CLASP2: variants seen among roughly 807,000 people sequenced by gnomAD.
CLASP2 encodes the protein cytoplasmic linker associated protein 2, also known as CLIP-associating protein 2.
In CLASP2, 47 loss-of-function variants were observed where a neutral mutation model predicts 194.4. That is an observed-to-expected ratio of 0.24 (90% CI 0.19 to 0.31). The LOEUF (loss-of-function observed/expected upper bound fraction) is 0.31, where lower values mean the gene tolerates loss of function less well. Among genes scored for constraint, CLASP2 ranks in the 10% least tolerant of loss-of-function variants. The probability of loss-of-function intolerance (pLI) is 1.00; values close to 1 mark genes in which losing one functional copy is unlikely to be tolerated. For synonymous variants in CLASP2, 619 were observed against 633.5 expected (o/e 0.98, Z 0.34); for missense variants, 1,445 against 1,823.6 (o/e 0.79, Z 3.78).
At chr3:33,717,679 CTTCCCAAAGTGTGT>C (rs1207938633) in intron 1 of CLASP2, 115 bp downstream of exon 1, 17 of 996,342 alleles carry the variant, frequency 1.7e-5, no homozygotes, top group Admixed American at 4.8e-5. Flanking sequence ...CCCGCCTGTG[CTTCCCAAAGTGTGT>C]TTCCCCTCTT....
intron 1 of CLASP2, among the ~76,000 whole-genome samples, chr3:33,705,792 C>A (rs1399192284): frequency 6.6e-6 from 1 of 152,138 alleles, no homozygotes; most frequent in Non-Finnish European, 1.5e-5. Context: ...GGTGTATCCA[C>A]ACTACAGGAT....
At chr3:33,688,807 A>G (rs2091015964) in intron 3 of CLASP2, among the ~76,000 whole-genome samples, 1 of 152,118 alleles carries the variant, frequency 6.6e-6, no homozygotes, top group Non-Finnish European at 1.5e-5. Context: ...GACATTTTAT[A>G]ATTCAGACTT....
chr3:33,682,045 T>A (rs1302337611), intron 6 of CLASP2, among the ~76,000 whole-genome samples: 2 of 145,188 alleles, frequency 1.4e-5, no homozygotes. Flanking sequence ...TGAGAGGCCC[T>A]CACCAGAAGC....
At chr3:33,556,924 A>G (rs2061044322) in intron 29 of CLASP2, among the ~76,000 whole-genome samples, 1 of 151,966 alleles carries the variant, frequency 6.6e-6, no homozygotes, top group African/African-American at 2.4e-5. Context: ...CTTTCTCTTC[A>G]AGTCTCCTGC....
At chr3:33,647,714 A>G (rs985551073) in intron 7 of CLASP2, among the ~76,000 whole-genome samples, 2 of 152,210 alleles carry the variant, frequency 1.3e-5, no homozygotes, top group African/African-American at 4.8e-5. Flanking sequence ...CAGTTTGCCA[A>G]TCTCTGCTCT....
In CLASP2 at chr3:33,608,630, A is replaced by G; in HGVS notation, c.1389-4T>C. On this transcript the variant is annotated splice_region_variant and splice_polypyrimidine_tract_variant and intron_variant, in intron 13 of 38. Transcript: ENST00000682230. ...ATCTAAAAATTCAAATGAACGTCTG[A>G]AAAATAAAAGTTGAATGATAACTAA... 1 of 1,600,384 alleles carries G rather than the reference A, an allele frequency of 6.2e-7. No individual in the cohort carries two copies. The highest frequency in any genetic ancestry group is 8.5e-7 in the Non-Finnish European group (1 of 1,170,390).
intron 5 of CLASP2, among the ~76,000 whole-genome samples, chr3:33,685,863 G>A (rs1485094484): frequency 6.6e-6 from 1 of 152,082 alleles, no homozygotes. Flanking sequence ...GGGAGTTGCT[G>A]TTTCATGGGT....
intron 37 of CLASP2, among the ~76,000 whole-genome samples, chr3:33,507,748 T>C (rs1034479972): frequency 6.6e-6 from 1 of 152,086 alleles, no homozygotes. Flanking sequence ...CCTCCCAAAG[T>C]GTTGGGTTTA....
intron 7 of CLASP2, among the ~76,000 whole-genome samples, chr3:33,645,929 T>TACACACACACACAC (rs60196645): frequency 3.0e-5 from 4 of 135,202 alleles, no homozygotes; most frequent in African/African-American, 8.2e-5. Flanking sequence ...TCTCCCAGCA[T>TACACACACACACAC]ACACACACAC....
intron 6 of CLASP2, among the ~76,000 whole-genome samples, chr3:33,665,475 T>C (rs928125907): frequency 3.3e-5 from 5 of 152,144 alleles, no homozygotes; most frequent in African/African-American, 7.2e-5. Context: ...GAGTAGATGA[T>C]TGCCTCGCAG....
At chr3:33,603,462 A>G (rs1226214361) in intron 17 of CLASP2, among the ~76,000 whole-genome samples, 3 of 152,226 alleles carry the variant, frequency 2.0e-5, no homozygotes, top group Non-Finnish European at 4.4e-5. Context: ...TGTACAAGAT[A>G]AATAGAAAGC....
chr3:33,665,794 C>T (rs1443302665), intron 6 of CLASP2, among the ~76,000 whole-genome samples: 6 of 151,900 alleles, frequency 3.9e-5, no homozygotes, highest in Admixed American at 6.6e-5. Flanking sequence ...GAAAAACAAA[C>T]GCATTTATAA....
intron 27 of CLASP2, among the ~76,000 whole-genome samples, 186 bp from the exon 28 acceptor site, chr3:33,561,157 T>C (rs2061734453): frequency 6.6e-6 from 1 of 152,224 alleles, no homozygotes; most frequent in South Asian, 2.1e-4. Context: ...TGAACTGTTA[T>C]CCAACTTCTG....
chr3:33,585,212 C>A (rs2067084600), intron 21 of CLASP2, among the ~76,000 whole-genome samples: 1 of 152,122 alleles, frequency 6.6e-6, no homozygotes, highest in African/African-American at 2.4e-5. Flanking sequence ...TTTTAGAACA[C>A]AAATGGTATA....
intron 23 of CLASP2, among the ~76,000 whole-genome samples, chr3:33,576,991 T>G (rs570908074): frequency 1.3e-5 from 2 of 149,750 alleles, no homozygotes; most frequent in African/African-American, 4.9e-5. Context: ...TACAAAAAAA[T>G]GTCCATATAC....
chr3:33,552,146 T>C (rs1207864448), intron 29 of CLASP2, among the ~76,000 whole-genome samples: 1 of 145,372 alleles, frequency 6.9e-6, no homozygotes, highest in Non-Finnish European at 1.5e-5. Flanking sequence ...TGAGACAGAA[T>C]CTCACCCTGT....
chr3:33,578,705 G>A (rs570173560), intron 23 of CLASP2, among the ~76,000 whole-genome samples: 1 of 152,110 alleles, frequency 6.6e-6, no homozygotes, highest in Non-Finnish European at 1.5e-5. Flanking sequence ...AGGAGGAGTT[G>A]AACAAATTTA....
chr3:33,628,445 T>C (rs549520787), intron 9 of CLASP2, among the ~76,000 whole-genome samples: 4 of 152,090 alleles, frequency 2.6e-5, no homozygotes, highest in African/African-American at 4.8e-5. Context: ...AGTGAGGGGG[T>C]ACATAATTCT....
intron 27 of CLASP2, among the ~76,000 whole-genome samples, chr3:33,562,997 C>T (rs1427231208): frequency 6.6e-6 from 1 of 152,038 alleles, no homozygotes; most frequent in African/African-American, 2.4e-5. Flanking sequence ...TCCTCTATAC[C>T]TATCCTTCTA....
Sources: gnomAD v4.1 joint callset for allele counts (sites outside exome capture counted in the v4.1 genomes callset) on GRCh38, gnomAD v4.1.1 for gene constraint, MANE v1.5 for transcripts, NCBI Gene and HGNC (gene_info 2026-07-23, HGNC 2026-07-21) for gene names.